The following NHEJ1 variants were observed in gnomAD, a reference collection of about 807,000 sequenced individuals.
The protein encoded by NHEJ1 is non-homologous end-joining factor 1.
A neutral mutation model predicts 39.4 loss-of-function variants in NHEJ1; 22 were observed. That is an observed-to-expected ratio of 0.56 (90% CI 0.40 to 0.80). The LOEUF (loss-of-function observed/expected upper bound fraction) is 0.80, where lower values mean the gene tolerates loss of function less well. Among genes scored for constraint, NHEJ1 ranks in the 30% least tolerant of loss-of-function variants. The pLI is 0.00. For synonymous variants in NHEJ1, 154 were observed against 135.6 expected (o/e 1.14, Z -0.94); for missense variants, 329 against 357.1 (o/e 0.92, Z 0.63).
At chr2:219,112,097 T>C (rs1203411761) in intron 5 of NHEJ1, among the ~76,000 whole-genome samples, 1 of 152,176 alleles carries the variant, frequency 6.6e-6, no homozygotes, top group African/African-American at 2.4e-5. Context: ...GAAAAATTGC[T>C]AAAAAGAATG....
At chr2:219,132,833 T>A (rs1427281358) in intron 5 of NHEJ1, among the ~76,000 whole-genome samples, 1 of 152,194 alleles carries the variant, frequency 6.6e-6, no homozygotes, top group East Asian at 1.9e-4. Flanking sequence ...ACCATATATA[T>A]AAATATATTA....
chr2:219,140,891 T>A (rs1287101555), intron 5 of NHEJ1, among the ~76,000 whole-genome samples: 1 of 152,134 alleles, frequency 6.6e-6, no homozygotes, highest in African/African-American at 2.4e-5. Flanking sequence ...TCATAAATGA[T>A]CACGTGTGGC....
At chr2:219,133,269 G>A (rs1221262970) in intron 5 of NHEJ1, among the ~76,000 whole-genome samples, 2 of 152,222 alleles carry the variant, frequency 1.3e-5, no homozygotes, top group Admixed American at 6.5e-5. Context: ...ATAAGAGAAC[G>A]CTTTGGGTAT....
intron 5 of NHEJ1, among the ~76,000 whole-genome samples, chr2:219,082,606 A>G (rs1305560115): frequency 3.3e-5 from 5 of 152,210 alleles, no homozygotes; most frequent in Non-Finnish European, 7.3e-5. Context: ...ATATGGACCC[A>G]CAGTCTGAGG....
intron 5 of NHEJ1, among the ~76,000 whole-genome samples, chr2:219,099,212 C>A (rs184342937): frequency 6.6e-6 from 1 of 152,226 alleles, no homozygotes; most frequent in African/African-American, 2.4e-5. Flanking sequence ...AGCTTCTCAA[C>A]AGTGGCACTA....
chr2:219,156,611 T>G (rs1194820812), intron 3 of NHEJ1, among the ~76,000 whole-genome samples: 1 of 152,244 alleles, frequency 6.6e-6, no homozygotes, highest in Non-Finnish European at 1.5e-5. Flanking sequence ...ACCAGACTAA[T>G]CTGGGATTCA....
chr2:219,090,528 T>G (rs1949151171), intron 5 of NHEJ1, among the ~76,000 whole-genome samples: 1 of 152,236 alleles, frequency 6.6e-6, no homozygotes, highest in Admixed American at 6.5e-5. Context: ...CAGGGTTCAC[T>G]GCCCTCAAGG....
At chr2:219,089,124 T>C (rs1949138567) in intron 5 of NHEJ1, among the ~76,000 whole-genome samples, 1 of 152,184 alleles carries the variant, frequency 6.6e-6, no homozygotes, top group Admixed American at 6.5e-5. Context: ...CAGCCTATAC[T>C]TCAATTTTAA....
chr2:219,081,802 G>C (rs1443098153), intron 5 of NHEJ1, among the ~76,000 whole-genome samples: 1 of 152,240 alleles, frequency 6.6e-6, no homozygotes, highest in Non-Finnish European at 1.5e-5. Context: ...AAAAGCATCA[G>C]AGGTGGTGAC....
intron 5 of NHEJ1, among the ~76,000 whole-genome samples, chr2:219,078,411 T>C (rs1417290882): frequency 6.6e-6 from 1 of 152,244 alleles, no homozygotes; most frequent in Non-Finnish European, 1.5e-5. Flanking sequence ...TCCAAATGTA[T>C]ATCTTATTTC....
chr2:219,101,071 C>CT (rs1181406128), intron 5 of NHEJ1, among the ~76,000 whole-genome samples: 3 of 151,974 alleles, frequency 2.0e-5, no homozygotes, highest in African/African-American at 7.3e-5. Flanking sequence ...TGCATTTTGC[C>CT]TTTTTTGGGT....
At chr2:219,144,495 G>A (rs988265988) in intron 5 of NHEJ1, among the ~76,000 whole-genome samples, 6 of 151,968 alleles carry the variant, frequency 3.9e-5, no homozygotes, top group African/African-American at 1.5e-4. Flanking sequence ...AGTACAGAAC[G>A]GTCTCCCAAA....
intron 5 of NHEJ1, among the ~76,000 whole-genome samples, chr2:219,130,681 G>A (rs1949569760): frequency 1.3e-5 from 2 of 152,184 alleles, no homozygotes; most frequent in African/African-American, 4.8e-5. Context: ...AGATTTTTCT[G>A]TACATGTTAG....
rs1407882289 is a variant in NHEJ1, at chr2:219,146,741, G to A, written c.530-3C>T. 2.5e-6 allele frequency: 4 copies of A among 1,606,350 alleles called. No individual in the cohort carries two copies. The East Asian group carries it at 6.7e-5, about 27-fold the overall frequency. ...AAATGGTTCTGTCTTCAATCGATCTGTAATAAGAAGGATCAGAAAAAAGAA... is the reference window on the plus strand; with the variant it reads ...AAATGGTTCTGTCTTCAATCGATCTATAATAAGAAGGATCAGAAAAAAGAA... On this transcript the variant is annotated splice_polypyrimidine_tract_variant and splice_region_variant and intron_variant, in intron 4 of 7. Coordinates refer to ENST00000356853, the MANE Select transcript of NHEJ1 (RefSeq NM_024782.3).
At chr2:219,116,333 G>A (rs1176992804) in intron 5 of NHEJ1, among the ~76,000 whole-genome samples, 2 of 151,914 alleles carry the variant, frequency 1.3e-5, no homozygotes, top group Non-Finnish European at 2.9e-5. Context: ...TTTACACATT[G>A]CAATTGGTGG....
At position 219,071,123 on chromosome 2, in the gene NHEJ1, A is replaced by G. The variant is rs1363667290; in HGVS notation, c.*5258T>C. On this transcript the variant is annotated 3_prime_UTR_variant, in exon 8 of 8. Coordinates refer to ENST00000356853, the MANE Select transcript of NHEJ1 (RefSeq NM_024782.3). ...CCAACAGCACTGCTCTTGATCCCTGAGTGGAGACCCACACCCTGTGGGGCT... is the reference window on the plus strand; with the variant it reads ...CCAACAGCACTGCTCTTGATCCCTGGGTGGAGACCCACACCCTGTGGGGCT... Among the ~76,000 whole-genome samples the G allele has an allele frequency of 6.6e-6, 1 of 152,096 alleles. No individual in the cohort carries two copies. Among genetic ancestry groups the G allele is most frequent in the Non-Finnish European group, 1.5e-5 (1 of 68,010 alleles).
In NHEJ1 at chr2:219,113,864, C is replaced by CAA. The variant is rs138959166; in HGVS notation, c.588+32814_588+32815dup. Among the ~76,000 whole-genome samples, 7 of 151,854 alleles carry CAA rather than the reference C, an allele frequency of 4.6e-5. No homozygotes were observed. In the South Asian group the frequency reaches 1.5e-3, roughly 32 times the overall value. ...GATGACCATCACCCATTTAATACTC[C>CAA]AAAAAAAGTTCGTCCCTCTCATTCT... On this transcript the variant is annotated intron_variant, in intron 5 of 7. Coordinates refer to ENST00000356853, the MANE Select transcript of NHEJ1 (RefSeq NM_024782.3).
chr2:219,114,283 C>T (rs1298317558), intron 5 of NHEJ1, among the ~76,000 whole-genome samples: 2 of 152,180 alleles, frequency 1.3e-5, no homozygotes, highest in Non-Finnish European at 1.5e-5. Context: ...ACATTCAACT[C>T]GATTCAGCAA....
intron 5 of NHEJ1, among the ~76,000 whole-genome samples, chr2:219,078,642 CTG>C (rs1949035637): frequency 1.4e-4 from 21 of 152,070 alleles, no homozygotes; most frequent in Admixed American, 1.4e-3. Context: ...TAATGACAGA[CTG>C]AGAGGCAAGA....
Sources: gnomAD v4.1 joint callset for allele counts (sites outside exome capture counted in the v4.1 genomes callset) on GRCh38, gnomAD v4.1.1 for gene constraint, MANE v1.5 for transcripts, NCBI Gene and HGNC (gene_info 2026-07-23, HGNC 2026-07-21) for gene names.